FHOD3: variants seen among roughly 807,000 people sequenced by gnomAD.
FHOD3 encodes the protein formin homology 2 domain containing 3.
A neutral mutation model predicts 173.0 loss-of-function variants in FHOD3; 90 were observed. That is an observed-to-expected ratio of 0.52 (90% confidence interval 0.44 to 0.62). FHOD3 has a LOEUF of 0.62. Among genes scored for constraint, FHOD3 ranks in the 20% least tolerant of loss-of-function variants. The pLI, the probability that FHOD3 is intolerant of heterozygous loss-of-function variation, is 0.00. For missense variants in FHOD3, 1,945 were observed against 2,034.7 expected, an observed-to-expected ratio of 0.96 and a Z score of 0.85; for synonymous variants, 828 against 823.0, an observed-to-expected ratio of 1.01 and a Z score of -0.10.
intron 16 of FHOD3, among the ~76,000 whole-genome samples, chr18:36,692,248 G>A (rs2039010122): frequency 6.6e-6 from 1 of 152,218 alleles, no homozygotes; most frequent in Admixed American, 6.5e-5. Flanking sequence ...GGGTAAATGA[G>A]GAACACCATG....
At chr18:36,401,269 T>C (rs1006477511) in intron 3 of FHOD3, among the ~76,000 whole-genome samples, 1 of 152,148 alleles carries the variant, frequency 6.6e-6, no homozygotes, top group African/African-American at 2.4e-5. Context: ...TGTTAACCAC[T>C]TTCCCCTTCC....
At chr18:36,308,399 C>T (rs2092159492) in intron 1 of FHOD3, among the ~76,000 whole-genome samples, 1 of 152,022 alleles carries the variant, frequency 6.6e-6, no homozygotes, top group South Asian at 2.1e-4. Context: ...GTTATGAAGC[C>T]CAGCTCCAAC....
chr18:36,512,794 C>A (rs1288924375), intron 5 of FHOD3, among the ~76,000 whole-genome samples: 1 of 152,164 alleles, frequency 6.6e-6, no homozygotes, highest in Non-Finnish European at 1.5e-5. Flanking sequence ...GAAAACTGTA[C>A]CACTCACTGG....
chr18:36,368,044 T>A (rs1359862066), intron 2 of FHOD3, among the ~76,000 whole-genome samples: 1 of 152,140 alleles, frequency 6.6e-6, no homozygotes, highest in African/African-American at 2.4e-5. Flanking sequence ...TCTTTCCTTA[T>A]AAATTAGCCA....
chr18:36,709,439 G>A, intron 18 of FHOD3, 48 bp downstream of exon 18: 2 of 1,570,778 alleles, frequency 1.3e-6, no homozygotes, highest in African/African-American at 1.3e-5. Context: ...GGAGGCCTGG[G>A]GTGCAGGGGC....
At chr18:36,597,654 C>G (rs980875414) in intron 7 of FHOD3, among the ~76,000 whole-genome samples, 1 of 152,198 alleles carries the variant, frequency 6.6e-6, no homozygotes, top group African/African-American at 2.4e-5. Context: ...TCTCAATCTC[C>G]TGACCTCGTG....
At chr18:36,611,912 T>G in intron 8 of FHOD3, 40 bp from the exon 9 acceptor site, 1 of 1,591,932 alleles carries the variant, frequency 6.3e-7, no homozygotes, top group Non-Finnish European at 8.5e-7. Flanking sequence ...CAAGGCAGTC[T>G]TCTGTGGTGT....
chr18:36,612,139 A>G lies in FHOD3; in HGVS notation c.957+44A>G, dbSNP rs747452200. The G allele has an allele frequency of 1.2e-5, 19 of 1,591,774 alleles. No homozygotes were observed. The African/African-American group carries it at 2.3e-4, about 19-fold the overall frequency. ...TGTAAGGTATCGTACAGCTTTGGCAATTGTCAAAGGCTGAGATGGCGCCTA... is the reference window on the plus strand; with the variant it reads ...TGTAAGGTATCGTACAGCTTTGGCAGTTGTCAAAGGCTGAGATGGCGCCTA... On this transcript the variant is annotated intron_variant, in intron 9 of 28. Coordinates refer to ENST00000590592, the MANE Select transcript of FHOD3 (RefSeq NM_001281740.3).
intron 26 of FHOD3, among the ~76,000 whole-genome samples, chr18:36,760,303 A>G (rs1373376435): frequency 6.6e-6 from 1 of 152,246 alleles, no homozygotes; most frequent in African/African-American, 2.4e-5. Flanking sequence ...AGACCTTCCC[A>G]GAGCCAATGC....
At chr18:36,600,283 ACACACATATG>A (rs1305126975) in intron 7 of FHOD3, among the ~76,000 whole-genome samples, 21 of 151,706 alleles carry the variant, frequency 1.4e-4, no homozygotes, top group African/African-American at 4.8e-4. Flanking sequence ...ACACACACAC[ACACACATATG>A]CACACATACA....
At chr18:36,702,523 G>A (rs1367698266) in intron 17 of FHOD3, among the ~76,000 whole-genome samples, 1 of 151,110 alleles carries the variant, frequency 6.6e-6, no homozygotes, top group Non-Finnish European at 1.5e-5. Flanking sequence ...AGCTGGGGAG[G>A]TCCCTGGAAT....
At chr18:36,730,828 T>TATAAATAAA (rs1276417003) in intron 20 of FHOD3, 24 bp downstream of exon 20, 3 of 1,609,532 alleles carry the variant, frequency 1.9e-6, no homozygotes, top group African/African-American at 2.7e-5. Context: ...TATTAAGCAT[T>TATAAATAAA]ATTTGTATTT....
intron 14 of FHOD3, among the ~76,000 whole-genome samples, chr18:36,667,212 A>G (rs1291428928): frequency 1.1e-4 from 16 of 152,176 alleles, no homozygotes. Flanking sequence ...TCTTGGGTAA[A>G]TATAGTCATT....
At chr18:36,644,838 C>A (rs2035571452) in intron 10 of FHOD3, among the ~76,000 whole-genome samples, 1 of 152,122 alleles carries the variant, frequency 6.6e-6, no homozygotes, top group Admixed American at 6.5e-5. Flanking sequence ...ACTCTGAAGA[C>A]CAGACCCAGG....
intron 4 of FHOD3, among the ~76,000 whole-genome samples, chr18:36,511,362 T>TG (rs1017274927): frequency 6.6e-5 from 10 of 151,482 alleles, no homozygotes; most frequent in Non-Finnish European, 1.3e-4. Context: ...CCAATGTTTT[T>TG]TTTTTTCTTT....
At chr18:36,300,629 C>T (rs918445293) in intron 1 of FHOD3, among the ~76,000 whole-genome samples, 1 of 152,162 alleles carries the variant, frequency 6.6e-6, no homozygotes, top group African/African-American at 2.4e-5. Context: ...GCAGCGAGCG[C>T]ATTCTCAGTG....
chr18:36,576,436 T>A lies in FHOD3; in HGVS notation c.512-15T>A. On this transcript the variant is annotated splice_polypyrimidine_tract_variant and intron_variant, in intron 5 of 28. Transcript: ENST00000590592. The stretch of plus-strand genomic sequence containing the variant: ...ATACATCTATAATGTCTCCTTTTTC[T>A]CTTGTTTTCTGTAGCTTTGGGCCAG... The A allele has an allele frequency of 1.3e-6, 2 of 1,596,408 alleles. No homozygotes were observed. Among genetic ancestry groups the A allele is most frequent in the Non-Finnish European group, 1.7e-6 (2 of 1,167,208 alleles).
rs184278403 is a variant in FHOD3, at chr18:36,498,866, C to T, written c.338-3066C>T. Among the ~76,000 whole-genome samples the T allele has an allele frequency of 2.2e-4, 33 of 152,186 alleles. 1 individual carries two copies. Among genetic ancestry groups the T allele is most frequent in the Admixed American group, 2.0e-3 (31 of 15,290 alleles). ...TAATATTTAATTTGTATTTTAAAAA[C>T]TGATTATTTTGACTACAGCACCAAG... On this transcript the variant is annotated intron_variant, in intron 3 of 28. Transcript: ENST00000590592.
At chr18:36,313,392 A>G (rs1219199280) in intron 1 of FHOD3, among the ~76,000 whole-genome samples, 2 of 152,184 alleles carry the variant, frequency 1.3e-5, no homozygotes, top group African/African-American at 4.8e-5. Flanking sequence ...CTAACAGGAC[A>G]CAGAACAATT....
Sources: allele counts gnomAD v4.1 joint callset (sites outside exome capture counted in the v4.1 genomes callset), GRCh38; gene constraint gnomAD v4.1.1; transcripts MANE v1.5; gene names NCBI Gene and HGNC (gene_info 2026-07-23, HGNC 2026-07-21).